The following PYROXD1 variants were observed in gnomAD, a reference collection of about 807,000 sequenced individuals.
PYROXD1 encodes tRNA ligase complex-associated NAD(P)H dehydrogenase PYROXD1.
PYROXD1 carries 42 observed loss-of-function variants against 62.0 expected under a neutral mutation model. That is an observed-to-expected ratio of 0.68 (90% CI 0.53 to 0.88). The LOEUF is 0.88. Ranked by LOEUF, PYROXD1 falls within the 40% of genes least tolerant of loss-of-function variation. The pLI is 0.00. For missense variants in PYROXD1, 493 were observed against 604.8 expected (o/e 0.82, Z 1.94); for synonymous variants, 170 against 206.4 (o/e 0.82, Z 1.51).
chr12:21,439,177 G>C (rs964783068), intron 1 of PYROXD1, among the ~76,000 whole-genome samples: 1 of 152,186 alleles, frequency 6.6e-6, no homozygotes, highest in Non-Finnish European at 1.5e-5. Flanking sequence ...AGCATGCTGA[G>C]AACTTAACAA....
At chr12:21,456,373 C>T (rs1163906987) in intron 7 of PYROXD1, among the ~76,000 whole-genome samples, 1 of 152,056 alleles carries the variant, frequency 6.6e-6, no homozygotes. Context: ...ATTGCAGGTT[C>T]AGTCCCAGAC....
rs1942822835 is a variant in PYROXD1 at position 21,467,554 on chromosome 12, ACT to A, written c.1193_1194del (p.Ser398TyrfsTer2). 4.3e-6 allele frequency: 7 copies of A among 1,611,704 alleles called. No individual in the cohort carries two copies. Among genetic ancestry groups the A allele is most frequent in the East Asian group, 2.2e-5 (1 of 44,812 alleles). On this transcript the variant is annotated frameshift_variant, in exon 11 of 12. Coordinates refer to ENST00000240651, the MANE Select transcript of PYROXD1 (RefSeq NM_024854.5). LOFTEE classifies it high-confidence loss of function. ...TGCATGGCTGCAGCGAGTTCAGGAG[ACT>A]CTATTGACATGGATTTCAGCTTTGA...
intron 5 of PYROXD1, among the ~76,000 whole-genome samples, chr12:21,452,355 C>T (rs572247278): frequency 2.0e-5 from 3 of 151,694 alleles, no homozygotes; most frequent in East Asian, 3.9e-4. Context: ...TTGTGGAATC[C>T]GTAATTGTAG....
Position 21,440,593 on chromosome 12 carries a change from G to GTA in PYROXD1, c.165+148_165+149dup, listed in dbSNP as rs1425641595. The GTA allele has an allele frequency of 7.7e-6, 4 of 518,584 alleles. No homozygotes were observed. The Admixed American group carries it at 1.5e-4, about 20-fold the overall frequency. The allele number at this position is 518,584 out of a possible 1,614,324, so 32.1% of individuals were successfully genotyped here. A position where few individuals can be genotyped will look rare whatever the true frequency, so the allele number is the denominator to read the frequency against. ...TGTACAACATGATGTTTTGATACATGTATACATTGTGGAATGGCTAAGTCA... is the reference window on the plus strand; with the variant it reads ...TGTACAACATGATGTTTTGATACATGTATATACATTGTGGAATGGCTAAGTCA... On this transcript the variant is annotated intron_variant, in intron 2 of 11. Coordinates refer to ENST00000240651, the MANE Select transcript of PYROXD1 (RefSeq NM_024854.5).
intron 2 of PYROXD1, among the ~76,000 whole-genome samples, chr12:21,442,570 C>A (rs563413531): frequency 2.6e-5 from 4 of 152,198 alleles, no homozygotes; most frequent in African/African-American, 9.7e-5. Flanking sequence ...GGCCGTAGAA[C>A]CTGGGTCTGA....
At chr12:21,459,821 T>G (rs2137277531) in intron 7 of PYROXD1, among the ~76,000 whole-genome samples, 1 of 152,302 alleles carries the variant, frequency 6.6e-6, no homozygotes, top group African/African-American at 2.4e-5. Context: ...CTGAGTTTGT[T>G]TTTTCCTATA....
intron 10 of PYROXD1, 45 bp from the exon 11 acceptor site, chr12:21,467,436 T>C (rs1942818376): frequency 6.5e-7 from 1 of 1,548,770 alleles, no homozygotes; most frequent in Non-Finnish European, 8.8e-7. Context: ...TTTCAGATAA[T>C]GATCATGAAA....
intron 5 of PYROXD1, among the ~76,000 whole-genome samples, chr12:21,454,194 AT>A (rs1942554080): frequency 6.6e-6 from 1 of 152,062 alleles, no homozygotes; most frequent in African/African-American, 2.4e-5. Context: ...AACCTATGTT[AT>A]ATCAGTCTGT....
chr12:21,450,547 A>G (rs1194848712), intron 4 of PYROXD1, among the ~76,000 whole-genome samples: 1 of 152,170 alleles, frequency 6.6e-6, no homozygotes, highest in Non-Finnish European at 1.5e-5. Context: ...TCCTTTTGGT[A>G]ATTTAATTTA....
chr12:21,449,087 A>G (rs2137255630), intron 3 of PYROXD1, among the ~76,000 whole-genome samples: 2 of 152,238 alleles, frequency 1.3e-5, no homozygotes, highest in Middle Eastern at 6.8e-3. Context: ...CTCATAATAG[A>G]TATGAAGGTA....
intron 3 of PYROXD1, 41 bp downstream of exon 3, chr12:21,445,507 A>T (rs1489220822): frequency 1.3e-6 from 2 of 1,528,362 alleles, no homozygotes; most frequent in Non-Finnish European, 1.8e-6. Context: ...CCATTGTTGA[A>T]TCTTGATGAA....
intron 4 of PYROXD1, 134 bp from the exon 5 acceptor site, chr12:21,451,947 G>A (rs561861013): frequency 2.9e-5 from 18 of 623,980 alleles, no homozygotes; most frequent in African/African-American, 3.9e-5. Context: ...GATACAGTGG[G>A]AAAGTGAGAT....
intron 5 of PYROXD1, among the ~76,000 whole-genome samples, chr12:21,452,889 T>C (rs958627485): frequency 6.6e-6 from 1 of 152,124 alleles, no homozygotes; most frequent in African/African-American, 2.4e-5. Flanking sequence ...CTTTGCTCAC[T>C]TGCATTCAAT....
At position 21,452,721 on chromosome 12, in the gene PYROXD1, T is replaced by A. The variant is rs1307282674; in HGVS notation, c.488+567T>A. The stretch of plus-strand genomic sequence containing the variant: ...CAAGTTCAAAAACCATTGAGAAATA[T>A]CCTGCTGTGTCCTGCAGAAGATTGA... On this transcript the variant is annotated intron_variant, in intron 5 of 11. Coordinates refer to ENST00000240651, the MANE Select transcript of PYROXD1 (RefSeq NM_024854.5). Among the ~76,000 whole-genome samples, 5 of 152,116 alleles carry A rather than the reference T, an allele frequency of 3.3e-5. No individual in the cohort carries two copies. In the South Asian group the frequency reaches 6.2e-4, roughly 19 times the overall value.
At chr12:21,441,772 G>C (rs1444251853) in intron 2 of PYROXD1, among the ~76,000 whole-genome samples, 1 of 152,066 alleles carries the variant, frequency 6.6e-6, no homozygotes, top group East Asian at 1.9e-4. Flanking sequence ...GTGTTCTTTT[G>C]GTGGCATATC....
intron 10 of PYROXD1, among the ~76,000 whole-genome samples, chr12:21,464,205 A>C: frequency 6.8e-6 from 1 of 147,404 alleles, no homozygotes; most frequent in South Asian, 2.1e-4. Flanking sequence ...AATCTGAAAG[A>C]GGGGAAAAAA....
chr12:21,450,415 A>G (rs910297264), intron 4 of PYROXD1, among the ~76,000 whole-genome samples: 9 of 152,186 alleles, frequency 5.9e-5, no homozygotes, highest in African/African-American at 1.9e-4. Context: ...AATTCAAAAG[A>G]TCTTTGTGGT....
rs374069002 is a variant in PYROXD1 at position 21,459,322 on chromosome 12, A to G, written c.751-1703A>G. Among the ~76,000 whole-genome samples, 5 of 152,218 alleles carry G rather than the reference A, an allele frequency of 3.3e-5. No homozygotes were observed. The East Asian group carries it at 9.6e-4, about 29-fold the overall frequency. On this transcript the variant is annotated intron_variant, in intron 7 of 11. Coordinates refer to ENST00000240651, the MANE Select transcript of PYROXD1 (RefSeq NM_024854.5). ...GACTGGGTTTGGAGAGCTTCTGGATAGCTGAACATGTGGAAGTTGCTAGAG... is the reference window on the plus strand; with the variant it reads ...GACTGGGTTTGGAGAGCTTCTGGATGGCTGAACATGTGGAAGTTGCTAGAG...
chr12:21,456,381 G>C (rs1185071089), intron 7 of PYROXD1, among the ~76,000 whole-genome samples: 1 of 152,032 alleles, frequency 6.6e-6, no homozygotes, highest in Non-Finnish European at 1.5e-5. Flanking sequence ...TTCAGTCCCA[G>C]ACCATCACAG....
Sources: gnomAD v4.1 joint callset for allele counts (sites outside exome capture counted in the v4.1 genomes callset) on GRCh38, gnomAD v4.1.1 for gene constraint, MANE v1.5 for transcripts, NCBI Gene and HGNC (gene_info 2026-07-23, HGNC 2026-07-21) for gene names.